Variants in IMPG1 observed in about 807,000 individuals in gnomAD.
IMPG1 encodes interphotoreceptor matrix proteoglycan 1, also known as interphotoreceptor matrix proteoglycan of 150 kDa.
Under a neutral mutation model 92.0 loss-of-function variants are expected in IMPG1, and 85 were observed. That is an observed-to-expected ratio of 0.92 (90% CI 0.78 to 1.11). The LOEUF (loss-of-function observed/expected upper bound fraction) is 1.11. IMPG1 is among the 50% of genes least tolerant of loss of function. The probability of loss-of-function intolerance (pLI) is 0.00; values close to 1 mark genes in which losing one functional copy is unlikely to be tolerated. For synonymous variants in IMPG1, 367 were observed against 334.1 expected (o/e 1.10, Z -1.08); for missense variants, 1,022 against 956.0 (o/e 1.07, Z -0.91).
intron 14 of IMPG1, among the ~76,000 whole-genome samples, chr6:75,931,928 T>C (rs1188934518): frequency 1.3e-5 from 2 of 152,200 alleles, no homozygotes; most frequent in African/African-American, 4.8e-5. Context: ...GCTGAGCACA[T>C]TGAGCTCTCA....
rs114361824 is a variant in IMPG1 at position 75,935,691 on chromosome 6, C to T, written c.2045-4540G>A. 6.9e-3 allele frequency among the ~76,000 whole-genome samples: 1,049 copies of T among 152,314 alleles called. 12 individuals carry two copies. Among genetic ancestry groups the T allele is most frequent in the African/African-American group, 0.024 (994 of 41,564 alleles). The stretch of plus-strand genomic sequence containing the variant: ...AATAGCAATCTGCAGGAGGCACAGC[C>T]TGGGGGCCCGCCATGCTTTTAGGAG... On this transcript the variant is annotated intron_variant, in intron 14 of 16. Transcript: ENST00000369950.
At chr6:76,050,585 G>T (rs1444995725) in intron 1 of IMPG1, among the ~76,000 whole-genome samples, 2 of 152,160 alleles carry the variant, frequency 1.3e-5, no homozygotes, top group African/African-American at 2.4e-5. Flanking sequence ...TGAAGACATA[G>T]GCCACATCAT....
rs1783018747 is a variant in IMPG1, at chr6:76,002,803, G to T, written c.1291+115C>A. ...TTCTGTTGGAAATGCTGGTGGCAGT[G>T]AACCTTTTCCTGGGTTCGGGATGGC... On this transcript the variant is annotated intron_variant, in intron 12 of 16. Coordinates refer to ENST00000369950, the MANE Select transcript of IMPG1 (RefSeq NM_001563.4). 1.7e-5 allele frequency: 13 copies of T among 770,124 alleles called. No homozygotes were observed. The South Asian group carries it at 2.0e-4, about 12-fold the overall frequency. 47.7% of individuals were successfully genotyped at this position (770,124 alleles called of 1,614,324 possible).
At chr6:76,057,083 G>A (rs1784131817) in intron 1 of IMPG1, among the ~76,000 whole-genome samples, 1 of 152,016 alleles carries the variant, frequency 6.6e-6, no homozygotes, top group Admixed American at 6.6e-5. Context: ...TTTATAAGTG[G>A]GTGCTAAATG....
In IMPG1 at chr6:76,018,723, G is replaced by A; in HGVS notation, c.802C>T (p.Leu268Phe). The A allele has an allele frequency of 6.2e-7, 1 of 1,613,230 alleles. No individual in the cohort carries two copies. The highest frequency in any genetic ancestry group is 8.5e-7 in the Non-Finnish European group (1 of 1,179,580). Residue 268 changes from leucine (L) to phenylalanine (F), a missense_variant, in exon 7 of 17, where the codon CTT becomes TTT. This residue lies in a region of IMPG1 where 681 missense variants were observed against 583.6 expected (regional missense o/e 1.17). Coordinates refer to ENST00000369950, the MANE Select transcript of IMPG1 (RefSeq NM_001563.4). ...YYQELAGKSQ[L>F]QMQKIFKKLP... ...TATGGGCCGGGTCTACTCACCTGAA[G>A]TTGGGACTTTCCTGCTAGCTCCTGG...
chr6:75,936,157 G>A (rs953834751), intron 14 of IMPG1, among the ~76,000 whole-genome samples: 1 of 152,202 alleles, frequency 6.6e-6, no homozygotes, highest in Admixed American at 6.5e-5. Context: ...GTGGTCTTGG[G>A]AACATAGGTT....
At chr6:75,961,125 T>C (rs1297559380) in intron 12 of IMPG1, among the ~76,000 whole-genome samples, 1 of 152,114 alleles carries the variant, frequency 6.6e-6, no homozygotes, top group Non-Finnish European at 1.5e-5. Flanking sequence ...AAGCAGAAGA[T>C]GAACAGTGTG....
chr6:75,959,365 G>T (rs1782177957), intron 12 of IMPG1, among the ~76,000 whole-genome samples: 1 of 152,180 alleles, frequency 6.6e-6, no homozygotes, highest in Non-Finnish European at 1.5e-5. Context: ...ACTTGAAGAG[G>T]CAGTCTGTCC....
intron 1 of IMPG1, among the ~76,000 whole-genome samples, chr6:76,065,531 C>T (rs1281449395): frequency 6.6e-6 from 1 of 151,626 alleles, no homozygotes; most frequent in Non-Finnish European, 1.5e-5. Context: ...CCCAGTCAGA[C>T]AAGAATAAAA....
At chr6:75,965,766 C>T (rs2149463542) in intron 12 of IMPG1, among the ~76,000 whole-genome samples, 1 of 152,172 alleles carries the variant, frequency 6.6e-6, no homozygotes, top group South Asian at 2.1e-4. Flanking sequence ...TGCCATCACG[C>T]CCAGCTAATT....
chr6:76,010,668 C>A (rs559488739), intron 8 of IMPG1, among the ~76,000 whole-genome samples: 3 of 152,240 alleles, frequency 2.0e-5, no homozygotes, highest in East Asian at 3.9e-4. Flanking sequence ...GCTCCTATTC[C>A]TTTCCACCCC....
At chr6:76,038,712 G>T (rs1783784900) in intron 2 of IMPG1, among the ~76,000 whole-genome samples, 1 of 152,200 alleles carries the variant, frequency 6.6e-6, no homozygotes, top group African/African-American at 2.4e-5. Context: ...GAGAAATCCA[G>T]CACCTTGGCC....
At chr6:75,956,687 G>T (rs956873517) in intron 12 of IMPG1, among the ~76,000 whole-genome samples, 1 of 151,788 alleles carries the variant, frequency 6.6e-6, no homozygotes. Flanking sequence ...GTGATGTTAG[G>T]GTGTCAATTT....
chr6:75,968,983 G>T (rs901584020), intron 12 of IMPG1, among the ~76,000 whole-genome samples: 4 of 152,120 alleles, frequency 2.6e-5, no homozygotes, highest in African/African-American at 9.7e-5. Flanking sequence ...ATAACAGAAT[G>T]CTTAAAAAAG....
At chr6:75,963,282 A>C (rs972703513) in intron 12 of IMPG1, among the ~76,000 whole-genome samples, 5 of 152,218 alleles carry the variant, frequency 3.3e-5, no homozygotes, top group African/African-American at 1.2e-4. Flanking sequence ...AAAAATGCAT[A>C]TTATTTAAAA....
intron 14 of IMPG1, among the ~76,000 whole-genome samples, chr6:75,936,303 G>A (rs1043257419): frequency 6.6e-6 from 1 of 152,242 alleles, no homozygotes; most frequent in South Asian, 2.1e-4. Flanking sequence ...GGTGGCTCAT[G>A]ATACCTCCAG....
intron 1 of IMPG1, among the ~76,000 whole-genome samples, chr6:76,071,668 T>C (rs901128369): frequency 1.1e-4 from 16 of 152,102 alleles, no homozygotes; most frequent in Non-Finnish European, 1.9e-4. Flanking sequence ...TATGTCATTC[T>C]TAAAGAAATT....
intron 1 of IMPG1, among the ~76,000 whole-genome samples, chr6:76,059,819 CATA>C (rs1784175469): frequency 6.6e-6 from 1 of 152,130 alleles, no homozygotes; most frequent in Non-Finnish European, 1.5e-5. Flanking sequence ...TGATTGTTAA[CATA>C]ATTACTGTCC....
At position 75,947,573 on chromosome 6, in the gene IMPG1, A is replaced by C. The variant is rs760230012; in HGVS notation, c.1825-40T>G. 48 of 1,399,416 alleles carry C rather than the reference A, an allele frequency of 3.4e-5. No individual in the cohort carries two copies. The East Asian group carries it at 1.0e-3, about 29-fold the overall frequency. 86.7% of individuals were successfully genotyped at this position (1,399,416 alleles called of 1,614,324 possible). A position where few individuals can be genotyped will look rare whatever the true frequency, so the allele number is the denominator to read the frequency against. On this transcript the variant is annotated intron_variant, in intron 13 of 16. Transcript: ENST00000369950. ...ATGGTTTCCTCTTAACTGTGTTCTA[A>C]GTGCTCAGCTGCTGCTAATTCCACT...
Sources: allele counts gnomAD v4.1 joint callset (sites outside exome capture counted in the v4.1 genomes callset), GRCh38; gene constraint gnomAD v4.1.1; regional missense constraint gnomAD v4.1.1; transcripts MANE v1.5; gene names NCBI Gene and HGNC (gene_info 2026-07-23, HGNC 2026-07-21).